Variants in SMAD3 observed in about 807,000 individuals in gnomAD.
The protein encoded by SMAD3 is MAD homolog 3.
A neutral mutation model predicts 51.8 loss-of-function variants in SMAD3; 12 were observed. The observed-to-expected ratio is 0.23, with a 90% CI of 0.15 to 0.38. The LOEUF (loss-of-function observed/expected upper bound fraction) is 0.38, where lower values mean the gene tolerates loss of function less well. SMAD3 is among the 10% of genes least tolerant of loss of function. The pLI is 1.00. For synonymous variants in SMAD3, 238 were observed against 227.7 expected (o/e 1.05, Z -0.41); for missense variants, 294 against 565.6 (o/e 0.52, Z 4.87).
At chr15:67,157,536 C>T (rs750824264) in intron 1 of SMAD3, among the ~76,000 whole-genome samples, 6 of 152,208 alleles carry the variant, frequency 3.9e-5, no homozygotes, top group South Asian at 2.1e-4. Flanking sequence ...ACATAGCAGT[C>T]GTGTGCCTGG....
chr15:67,170,614 T>A lies in SMAD3; in HGVS notation c.658+10T>A. Reference sequence around the variant, plus strand: ...GCACATAATAACTTGGGTGAGTATCTCCTTGTGCACACAACTGGAACCCCC... The same window carrying A: ...GCACATAATAACTTGGGTGAGTATCACCTTGTGCACACAACTGGAACCCCC... On this transcript the variant is annotated intron_variant, in intron 5 of 8. Transcript: ENST00000327367. 1 of 1,612,612 alleles carries A rather than the reference T, an allele frequency of 6.2e-7. No homozygotes were observed.
rs1412734603 is a variant in SMAD3, at chr15:67,184,773, G to A, written c.918G>A (p.Glu306=). ...LYYIGGEVFA[E]CLSDSAIFVQ... ...ACATCGGAGGGGAGGTCTTCGCAGA[G>A]TGCCTCAGTGACAGCGCTATTTTTG... The change falls in exon 7 of 9, where the codon GAG becomes GAA. Residue 306 remains glutamate (E), a synonymous_variant. Transcript: ENST00000327367. 4 of 1,613,954 alleles carry A rather than the reference G, an allele frequency of 2.5e-6. No homozygotes were observed. In the African/African-American group the frequency reaches 5.3e-5, roughly 22 times the overall value.
At chr15:67,157,119 A>G (rs1322517416) in intron 1 of SMAD3, among the ~76,000 whole-genome samples, 1 of 152,224 alleles carries the variant, frequency 6.6e-6, no homozygotes, top group Non-Finnish European at 1.5e-5. Flanking sequence ...TTACTACTCA[A>G]TGGGCAAGTT....
intron 1 of SMAD3, among the ~76,000 whole-genome samples, chr15:67,162,536 A>T (rs1962456763): frequency 6.6e-6 from 1 of 152,026 alleles, no homozygotes; most frequent in Non-Finnish European, 1.5e-5. Flanking sequence ...CCACTTACAC[A>T]TCTCAGAGGC....
rs763936253 is a variant in SMAD3, at chr15:67,181,374, C to T, written c.792C>T (p.Ser264=). Residue 264 remains serine, a synonymous_variant, in exon 6 of 9, where the codon TCC becomes TCT. Transcript: ENST00000327367. ...CTGTGGATGGCTTCACCGACCCCTC[C>T]AATTCGGAGCGCTTCTGCCTAGGGC... ...SMTVDGFTDP[S]NSERFCLGLL... 1.2e-6 allele frequency: 2 copies of T among 1,614,184 alleles called. No homozygotes were observed. The highest frequency in any genetic ancestry group is 1.7e-6 in the Non-Finnish European group (2 of 1,180,038).
chr15:67,149,319 A>G (rs1962063480), intron 1 of SMAD3, among the ~76,000 whole-genome samples: 1 of 151,994 alleles, frequency 6.6e-6, no homozygotes, highest in Non-Finnish European at 1.5e-5. Flanking sequence ...AGTGGGGGTG[A>G]GGTGGTGGGT....
Position 67,190,558 on chromosome 15 carries a change from A to T in SMAD3, c.*22A>T. On this transcript the variant is annotated 3_prime_UTR_variant, in exon 9 of 9. Coordinates refer to ENST00000327367, the MANE Select transcript of SMAD3 (RefSeq NM_005902.4). The stretch of plus-strand genomic sequence containing the variant: ...TTAGAGACATCAAGTATGGTAGGGG[A>T]GGGCAGGCTTGGGGAAAATGGCCAT... The T allele has an allele frequency of 6.2e-7, 1 of 1,613,114 alleles. No homozygotes were observed. The highest frequency in any genetic ancestry group is 2.2e-5 in the East Asian group (1 of 44,848).
intron 1 of SMAD3, among the ~76,000 whole-genome samples, chr15:67,094,470 T>C (rs1051955956): frequency 3.3e-5 from 5 of 152,142 alleles, no homozygotes. Flanking sequence ...TCAAAATTGC[T>C]ACCCTGAGGA....
chr15:67,092,492 C>A (rs142854796), intron 1 of SMAD3, among the ~76,000 whole-genome samples: 2,244 of 152,314 alleles, frequency 0.015, 30 homozygotes, highest in Non-Finnish European at 0.022. Context: ...CAGGCCCCGC[C>A]CCCAGGCCTC....
chr15:67,101,033 C>T (rs1960743493), intron 1 of SMAD3, among the ~76,000 whole-genome samples: 1 of 152,186 alleles, frequency 6.6e-6, no homozygotes, highest in African/African-American at 2.4e-5. Context: ...GTCTGTCTCA[C>T]CCTGAGGTGA....
intron 8 of SMAD3, among the ~76,000 whole-genome samples, chr15:67,188,285 G>A (rs558365718): frequency 1.3e-5 from 2 of 151,466 alleles, no homozygotes; most frequent in East Asian, 2.0e-4. Flanking sequence ...CTACAGGTGC[G>A]TGCTACCACG....
At chr15:67,119,473 T>C (rs1961209983) in intron 1 of SMAD3, among the ~76,000 whole-genome samples, 1 of 151,348 alleles carries the variant, frequency 6.6e-6, no homozygotes, top group East Asian at 1.9e-4. Context: ...TGCCACAGAG[T>C]GGGAGCCAGA....
At chr15:67,150,069 A>T (rs944133536) in intron 1 of SMAD3, among the ~76,000 whole-genome samples, 1 of 152,190 alleles carries the variant, frequency 6.6e-6, no homozygotes, top group Admixed American at 6.5e-5. Flanking sequence ...TAAATGTCAT[A>T]AGACTGAGAT....
chr15:67,189,333 G>A (rs1963301303), intron 8 of SMAD3, among the ~76,000 whole-genome samples: 1 of 152,120 alleles, frequency 6.6e-6, no homozygotes, highest in African/African-American at 2.4e-5. Flanking sequence ...GCAAAGTAGA[G>A]GCCAAGCAAG....
chr15:67,181,497 C>T (rs1366341653), intron 6 of SMAD3, 44 bp downstream of exon 6: 1 of 1,429,874 alleles, frequency 7.0e-7, no homozygotes, highest in East Asian at 2.5e-5. Context: ...CTGCCCCTGC[C>T]ACTCTATCCC....
At chr15:67,160,639 C>T (rs535711584) in intron 1 of SMAD3, among the ~76,000 whole-genome samples, 2 of 151,982 alleles carry the variant, frequency 1.3e-5, no homozygotes, top group Admixed American at 6.5e-5. Context: ...GGCGCGGTGC[C>T]AGGCGCCTGT....
chr15:67,098,942 A>G (rs1960684769), intron 1 of SMAD3: 2 of 702,414 alleles, frequency 2.8e-6, no homozygotes, highest in East Asian at 5.4e-5. Flanking sequence ...TGGAGATGGG[A>G]CAGTGTTCTG....
intron 1 of SMAD3, among the ~76,000 whole-genome samples, chr15:67,153,507 C>T (rs1962203168): frequency 6.6e-6 from 1 of 151,932 alleles, no homozygotes; most frequent in Non-Finnish European, 1.5e-5. Context: ...GGGGGGATTC[C>T]TTCTGTTTTC....
At chr15:67,099,530 A>T (rs1018134714) in intron 1 of SMAD3, among the ~76,000 whole-genome samples, 2 of 152,244 alleles carry the variant, frequency 1.3e-5, no homozygotes, top group African/African-American at 4.8e-5. Context: ...TGGTTACTGC[A>T]TAAGGAAGGT....
Sources: allele counts gnomAD v4.1 joint callset (sites outside exome capture counted in the v4.1 genomes callset), GRCh38; gene constraint gnomAD v4.1.1; transcripts MANE v1.5; gene names NCBI Gene and HGNC (gene_info 2026-07-23, HGNC 2026-07-21).